DLC1: variants seen among roughly 807,000 people sequenced by gnomAD.
DLC1 encodes DLC1 Rho GTPase activating protein, also known as rho GTPase-activating protein 7.
DLC1 carries 54 observed loss-of-function variants against 140.3 expected under a neutral mutation model. The observed-to-expected ratio is 0.38, with a 90% CI of 0.31 to 0.48. The LOEUF is 0.48. Among genes scored for constraint, DLC1 ranks in the 20% least tolerant of loss-of-function variants. The pLI is 0.96. For synonymous variants in DLC1, 986 were observed against 728.1 expected, an observed-to-expected ratio of 1.35 and a Z score of -5.70; for missense variants, 2,536 against 1,907.0, an observed-to-expected ratio of 1.33 and a Z score of -6.14.
intron 5 of DLC1, among the ~76,000 whole-genome samples, chr8:13,188,419 C>CAAAAAAAAAAAAAAAAAAA (rs1178090798): frequency 6.8e-5 from 4 of 58,984 alleles, no homozygotes; most frequent in Non-Finnish European, 8.8e-5. Context: ...GACTCCGTCT[C>CAAAAAAAAAAAAAAAAAAA]AAAAAAAAAA....
chr8:13,572,210 C>T (rs1804683018), intron 1 of DLC1, among the ~76,000 whole-genome samples: 1 of 151,862 alleles, frequency 6.6e-6, no homozygotes, highest in South Asian at 2.1e-4. Context: ...CTGCCTCAGC[C>T]TCCCAAGCAG....
intron 1 of DLC1, among the ~76,000 whole-genome samples, chr8:13,586,892 G>A (rs1438285528): frequency 6.6e-6 from 1 of 152,022 alleles, no homozygotes; most frequent in Non-Finnish European, 1.5e-5. Flanking sequence ...ATCATTCTAA[G>A]GTACCAGAAA....
intron 1 of DLC1, among the ~76,000 whole-genome samples, chr8:13,539,799 G>A (rs1803424703): frequency 6.6e-6 from 1 of 151,524 alleles, no homozygotes; most frequent in African/African-American, 2.4e-5. Flanking sequence ...TTTGAATGTT[G>A]AGAAAATTTC....
At chr8:13,294,698 A>C (rs1028379861) in intron 5 of DLC1, among the ~76,000 whole-genome samples, 36 of 152,230 alleles carry the variant, frequency 2.4e-4, no homozygotes, top group African/African-American at 8.7e-4. Context: ...TACGGAAAAA[A>C]TTTATTCATC....
At chr8:13,351,678 G>C (rs1017696596) in intron 4 of DLC1, among the ~76,000 whole-genome samples, 1 of 152,090 alleles carries the variant, frequency 6.6e-6, no homozygotes, top group African/African-American at 2.4e-5. Flanking sequence ...TGAATACGTG[G>C]GACAGAGACT....
At chr8:13,550,002 T>C (rs1803790451) in intron 1 of DLC1, among the ~76,000 whole-genome samples, 1 of 152,104 alleles carries the variant, frequency 6.6e-6, no homozygotes, top group Non-Finnish European at 1.5e-5. Context: ...ATTGAAGAAA[T>C]CAGTGAAGTA....
chr8:13,097,682 C>T (rs183349598), intron 10 of DLC1, among the ~76,000 whole-genome samples: 33 of 152,256 alleles, frequency 2.2e-4, no homozygotes, highest in Admixed American at 8.5e-4. Context: ...TCCAAAAATA[C>T]GATCTGATAC....
At chr8:13,521,907 C>G (rs2117286167) in intron 1 of DLC1, among the ~76,000 whole-genome samples, 1 of 152,260 alleles carries the variant, frequency 6.6e-6, no homozygotes, top group African/African-American at 2.4e-5. Context: ...TTCATAACAC[C>G]AGTCTGTGTA....
At chr8:13,505,521 C>T (rs1215964116) in intron 1 of DLC1, among the ~76,000 whole-genome samples, 1 of 152,138 alleles carries the variant, frequency 6.6e-6, no homozygotes, top group East Asian at 1.9e-4. Context: ...AAATGTTCTA[C>T]AGCAGTAATT....
At chr8:13,528,966 A>C (rs1803006774) in intron 1 of DLC1, among the ~76,000 whole-genome samples, 1 of 152,186 alleles carries the variant, frequency 6.6e-6, no homozygotes, top group Non-Finnish European at 1.5e-5. Flanking sequence ...ATGCTTGAAC[A>C]CTGTCCTTAG....
intron 5 of DLC1, among the ~76,000 whole-genome samples, chr8:13,124,639 A>G (rs1821399342): frequency 6.6e-6 from 1 of 152,204 alleles, no homozygotes; most frequent in Non-Finnish European, 1.5e-5. Flanking sequence ...CCAGGAAAGA[A>G]TCCACTGCCT....
At chr8:13,219,199 A>G (rs1292891483) in intron 5 of DLC1, among the ~76,000 whole-genome samples, 1 of 131,540 alleles carries the variant, frequency 7.6e-6, no homozygotes, top group Non-Finnish European at 1.5e-5. Context: ...ACTATATAAG[A>G]ATATAATTAT....
intron 13 of DLC1, among the ~76,000 whole-genome samples, chr8:13,091,816 C>G (rs1158028071): frequency 6.6e-6 from 1 of 152,152 alleles, no homozygotes; most frequent in Non-Finnish European, 1.5e-5. Flanking sequence ...CCTGAATACA[C>G]AGGCCCCCTC....
intron 1 of DLC1, among the ~76,000 whole-genome samples, chr8:13,577,434 A>T (rs963569637): frequency 6.6e-6 from 1 of 152,172 alleles, no homozygotes; most frequent in South Asian, 2.1e-4. Context: ...TGCAGTGGTT[A>T]TGGTGAGGCA....
At chr8:13,279,268 G>T (rs1831279534) in intron 5 of DLC1, among the ~76,000 whole-genome samples, 1 of 152,176 alleles carries the variant, frequency 6.6e-6, no homozygotes, top group South Asian at 2.1e-4. Context: ...GAGCACTCAG[G>T]TCTAATCACC....
intron 2 of DLC1, among the ~76,000 whole-genome samples, chr8:13,441,365 C>G (rs891623549): frequency 6.6e-6 from 1 of 152,120 alleles, no homozygotes; most frequent in South Asian, 2.1e-4. Flanking sequence ...CCAGGGCAAT[C>G]AGGCAGGAGA....
intron 5 of DLC1, 200 bp downstream of exon 5, chr8:13,305,069 A>G (rs572487537): frequency 1.6e-6 from 2 of 1,247,806 alleles, no homozygotes; most frequent in African/African-American, 1.5e-5. Flanking sequence ...TTATTCTAAC[A>G]CAATGTCATT....
chr8:13,480,429 G>T (rs1244449562), intron 2 of DLC1, among the ~76,000 whole-genome samples: 1 of 152,120 alleles, frequency 6.6e-6, no homozygotes, highest in African/African-American at 2.4e-5. Flanking sequence ...CTTGATGCCT[G>T]CCTGGTTGAT....
intron 5 of DLC1, among the ~76,000 whole-genome samples, chr8:13,183,717 C>G (rs1239440148): frequency 6.6e-6 from 1 of 152,108 alleles, no homozygotes; most frequent in Non-Finnish European, 1.5e-5. Flanking sequence ...ATTAGGTTTG[C>G]CAGTATTTTA....
Sources: gnomAD v4.1 joint callset for allele counts (sites outside exome capture counted in the v4.1 genomes callset) on GRCh38, gnomAD v4.1.1 for gene constraint, MANE v1.5 for transcripts, NCBI Gene and HGNC (gene_info 2026-07-23, HGNC 2026-07-21) for gene names.